BUD13: variants seen among roughly 807,000 people sequenced by gnomAD.
BUD13 encodes the protein BUD13 homolog.
BUD13 carries 47 observed loss-of-function variants against 62.5 expected under a neutral mutation model. That is an observed-to-expected ratio of 0.75 (90% CI 0.60 to 0.96). BUD13 has a LOEUF of 0.96. Ranked by LOEUF, BUD13 falls within the 40% of genes least tolerant of loss-of-function variation. The probability of loss-of-function intolerance (pLI) is 0.00; values close to 1 mark genes in which losing one functional copy is unlikely to be tolerated. For synonymous variants in BUD13, 293 were observed against 280.1 expected, an observed-to-expected ratio of 1.05 and a Z score of -0.46; for missense variants, 821 against 790.9, an observed-to-expected ratio of 1.04 and a Z score of -0.46.
intron 3 of BUD13, among the ~76,000 whole-genome samples, chr11:116,763,565 C>T (rs1193195280): frequency 1.3e-5 from 2 of 152,154 alleles, no homozygotes; most frequent in African/African-American, 2.4e-5. Flanking sequence ...AAACAGAGGC[C>T]ACAGCCTCTG....
chr11:116,752,486 T>C (rs1396831994), intron 9 of BUD13, among the ~76,000 whole-genome samples: 4 of 87,198 alleles, frequency 4.6e-5, no homozygotes, highest in African/African-American at 7.4e-5. Context: ...TGAAGACAAA[T>C]TAAATACTAG....
intron 1 of BUD13, among the ~76,000 whole-genome samples, chr11:116,770,957 C>T (rs1312681584): frequency 3.3e-5 from 5 of 151,996 alleles, no homozygotes; most frequent in Non-Finnish European, 7.4e-5. Context: ...CTGTGCCTGA[C>T]TACTTTTTTG....
In BUD13 at chr11:116,763,021, G is replaced by T. The variant is rs760162681; in HGVS notation, c.568C>A (p.Pro190Thr). The change falls in exon 4 of 10, where the codon CCA (proline) becomes ACA (threonine). Residue 190 changes from proline to threonine, a missense_variant. Around this residue, in one of 2 missense-constraint regions of BUD13, gnomAD observed 800 missense variants for 739.2 expected, o/e 1.08. Coordinates refer to ENST00000260210, the MANE Select transcript of BUD13 (RefSeq NM_032725.4). ...GGAGAATCATGACGGGCCCTCCTTG[G>T]GGGTGAAGTGTCTGAGGAGTCATGA... The part of the protein sequence containing the change: ...IRHDSSDTSP[P>T]RRARHDSPDP... 1 of 1,613,544 alleles carries T rather than the reference G, an allele frequency of 6.2e-7. No homozygotes were observed. The highest frequency in any genetic ancestry group is 8.5e-7 in the Non-Finnish European group (1 of 1,179,786).
intron 9 of BUD13, among the ~76,000 whole-genome samples, chr11:116,749,930 G>A (rs968983540): frequency 2.0e-4 from 31 of 152,272 alleles, no homozygotes; most frequent in Middle Eastern, 3.4e-3. Flanking sequence ...AAAGAAGGAG[G>A]AGGCAAGTTA....
Position 116,759,118 on chromosome 11 carries a change from T to A in BUD13, c.1316A>T (p.Gln439Leu). ...GLVLTDIQREQQELKEQDQET... is the reference protein window; with the variant it reads ...GLVLTDIQRELQELKEQDQET... Reference sequence around the variant, plus strand: ...TTGATCCTGTTCCTTGAGCTCCTGCTGTTCTCGCTGTATGTCAGTTAACAC... The same window carrying A: ...TTGATCCTGTTCCTTGAGCTCCTGCAGTTCTCGCTGTATGTCAGTTAACAC... The change falls in exon 6 of 10, where the codon CAG becomes CTG. Residue 439 changes from glutamine to leucine, a missense_variant. By Grantham distance (113) the Gln-to-Leu change is moderately radical (BLOSUM62 -2). This residue lies in a region of BUD13 where 800 missense variants were observed against 739.2 expected (regional missense o/e 1.08). Coordinates refer to ENST00000260210, the MANE Select transcript of BUD13 (RefSeq NM_032725.4). 1 of 1,614,128 alleles carries A rather than the reference T, an allele frequency of 6.2e-7. No homozygotes were observed. The highest frequency in any genetic ancestry group is 8.5e-7 in the Non-Finnish European group (1 of 1,180,020).
Position 116,758,767 on chromosome 11 carries a change from T to G in BUD13, c.1360+307A>C, listed in dbSNP as rs186911592. 6.8e-3 allele frequency among the ~76,000 whole-genome samples: 1,038 copies of G among 151,860 alleles called. 18 individuals carry two copies. Among genetic ancestry groups the G allele is most frequent in the Non-Finnish European group, 5.0e-3 (338 of 67,942 alleles). ...CATGCCTGGCTAGTTTTTTTTTGTA[T>G]TTTTGGTAGAGACAGGGTTTCATCA... On this transcript the variant is annotated intron_variant, in intron 6 of 9. Transcript: ENST00000260210.
Position 116,760,706 on chromosome 11 carries a change from A to G in BUD13, c.1254+29T>C, listed in dbSNP as rs190341215. On this transcript the variant is annotated intron_variant, in intron 5 of 9. Transcript: ENST00000260210. ...GCTGAGAGAGAAGAGTCACACGAAA[A>G]GAAGGACATGGCTCCTGAAAATCCT... is the stretch of plus-strand genomic sequence containing the variant. 4.6e-4 allele frequency: 732 copies of G among 1,608,034 alleles called. 3 individuals are homozygous for G. The African/African-American group carries it at 7.5e-3, about 16-fold the overall frequency.
At chr11:116,752,011 T>C (rs1279636607) in intron 9 of BUD13, among the ~76,000 whole-genome samples, 3 of 152,172 alleles carry the variant, frequency 2.0e-5, no homozygotes, top group Non-Finnish European at 4.4e-5. Flanking sequence ...TGGCACGATC[T>C]CGGCTCACTG....
At chr11:116,759,394 A>G (rs1262369260) in intron 5 of BUD13, among the ~76,000 whole-genome samples, 1 of 152,210 alleles carries the variant, frequency 6.6e-6, no homozygotes, top group Non-Finnish European at 1.5e-5. Context: ...AAACACTAAC[A>G]ATATATTAAA....
Position 116,770,209 on chromosome 11 carries a change from C to A in BUD13, c.157G>T (p.Asp53Tyr), listed in dbSNP as rs774600211. 6.2e-7 allele frequency: 1 copy of A among 1,611,824 alleles called. No individual in the cohort carries two copies. Among genetic ancestry groups the A allele is most frequent in the South Asian group, 1.1e-5 (1 of 90,416 alleles). The change falls in exon 2 of 10, where the codon GAT becomes TAT. Residue 53 changes from aspartate to tyrosine, a missense_variant. Around this residue, in one of 2 missense-constraint regions of BUD13, gnomAD observed 800 missense variants for 739.2 expected, o/e 1.08. Transcript: ENST00000260210. ...GAGGKGMRIV[D>Y]DDVSWTAIST... Reference sequence around the variant, plus strand: ...ATAGCTGTCCAGCTCACATCATCATCCACAATCCGCATTCTAAATGAGAAT... The same window carrying A: ...ATAGCTGTCCAGCTCACATCATCATACACAATCCGCATTCTAAATGAGAAT...
intron 8 of BUD13, among the ~76,000 whole-genome samples, chr11:116,757,456 C>CG (rs969747560): frequency 2.0e-5 from 3 of 146,928 alleles, no homozygotes; most frequent in African/African-American, 7.6e-5. Flanking sequence ...CCACCATGAC[C>CG]GGCTATTTTT....
chr11:116,761,296 C>T (rs1280990869), intron 4 of BUD13, among the ~76,000 whole-genome samples: 1 of 152,114 alleles, frequency 6.6e-6, no homozygotes, highest in Admixed American at 6.5e-5. Context: ...AGGTGATCTG[C>T]CCACCTCGGC....
chr11:116,748,580 A>G lies in BUD13; in HGVS notation c.1767-5T>C, dbSNP rs773364188. On this transcript the variant is annotated splice_region_variant and splice_polypyrimidine_tract_variant and intron_variant, in intron 9 of 9. Transcript: ENST00000260210. ...TTCTGTTCAAATCCATTGGATCTGCAATCAAAAGAGACATACTATTCAGCT... is the reference window on the plus strand; with the variant it reads ...TTCTGTTCAAATCCATTGGATCTGCGATCAAAAGAGACATACTATTCAGCT... 2 of 1,614,162 alleles carry G rather than the reference A, an allele frequency of 1.2e-6. No homozygotes were observed. The highest frequency in any genetic ancestry group is 1.7e-6 in the Non-Finnish European group (2 of 1,179,964).
At position 116,759,130 on chromosome 11, in the gene BUD13, A is replaced by G. The variant is rs774295403; in HGVS notation, c.1304T>C (p.Ile435Thr). ...GAKTGLVLTD[I>T]QREQQELKEQ... ...CTTGAGCTCCTGCTGTTCTCGCTGT[A>G]TGTCAGTTAACACCAACCCAGTTTT... Residue 435 changes from isoleucine (I) to threonine (T), a missense_variant, in exon 6 of 10, where the codon ATA (isoleucine) becomes ACA (threonine). By Grantham distance (89) the Ile-to-Thr change is moderately conservative. Around this residue, in one of 2 missense-constraint regions of BUD13, gnomAD observed 800 missense variants for 739.2 expected, o/e 1.08. Coordinates refer to ENST00000260210, the MANE Select transcript of BUD13 (RefSeq NM_032725.4). 1 of 1,613,952 alleles carries G rather than the reference A, an allele frequency of 6.2e-7. No homozygotes were observed. Among genetic ancestry groups the G allele is most frequent in the South Asian group, 1.1e-5 (1 of 91,082 alleles).
intron 2 of BUD13, among the ~76,000 whole-genome samples, chr11:116,765,938 A>C (rs567176125): frequency 2.0e-5 from 3 of 152,342 alleles, no homozygotes; most frequent in Admixed American, 2.0e-4. Flanking sequence ...CAGAATCATT[A>C]ATCTTTAAGA....
chr11:116,754,911 C>G (rs1940298953), intron 9 of BUD13, among the ~76,000 whole-genome samples: 1 of 152,164 alleles, frequency 6.6e-6, no homozygotes, highest in South Asian at 2.1e-4. Context: ...TACAGTGTAA[C>G]AGAACTCAAA....
At chr11:116,763,886 A>C (rs1408948908) in intron 3 of BUD13, among the ~76,000 whole-genome samples, 1 of 152,252 alleles carries the variant, frequency 6.6e-6, no homozygotes, top group Non-Finnish European at 1.5e-5. Flanking sequence ...GAAAGGAGCA[A>C]GTAATTACCA....
At chr11:116,758,177 A>C in intron 7 of BUD13, 92 bp downstream of exon 7, 2 of 1,548,964 alleles carry the variant, frequency 1.3e-6, no homozygotes, top group Non-Finnish European at 1.8e-6. Flanking sequence ...ACAGCTCTGA[A>C]GGCATAATAA....
In BUD13 at chr11:116,770,310, A is replaced by C. The variant is rs74447461; in HGVS notation, c.144-88T>G. 5,012 of 1,090,576 alleles carry C rather than the reference A, an allele frequency of 4.6e-3. 150 individuals carry two copies. The African/African-American group carries it at 0.069, about 15-fold the overall frequency. 67.6% of individuals were successfully genotyped at this position (1,090,576 alleles called of 1,614,324 possible). ...TATTGGTTTTAAAATAAAGTTCAAA[A>C]TCCTACAGGATCCTGCATGGTCCAG... On this transcript the variant is annotated intron_variant, in intron 1 of 9. Transcript: ENST00000260210.
Sources: allele counts gnomAD v4.1 joint callset (sites outside exome capture counted in the v4.1 genomes callset), GRCh38; gene constraint gnomAD v4.1.1; regional missense constraint gnomAD v4.1.1; transcripts MANE v1.5; gene names NCBI Gene and HGNC (gene_info 2026-07-23, HGNC 2026-07-21).